The following AFF2 variants were observed in gnomAD, a reference collection of about 807,000 sequenced individuals.
AFF2 encodes the protein AF4/FMR2 family member 2.
AFF2 carries 14 observed loss-of-function variants against 76.9 expected under a neutral mutation model. The observed-to-expected ratio is 0.18, with a 90% confidence interval of 0.12 to 0.28. The LOEUF (loss-of-function observed/expected upper bound fraction) is 0.28. Among genes scored for constraint, AFF2 ranks in the 10% least tolerant of loss-of-function variants. The probability of loss-of-function intolerance (pLI) is 1.00; values close to 1 mark genes in which losing one functional copy is unlikely to be tolerated. For missense variants in AFF2, 868 were observed against 1,001.1 expected (o/e 0.87, Z 1.79); for synonymous variants, 398 against 366.7 (o/e 1.09, Z -0.98).
chrX:148,578,095 T>C lies in AFF2; in HGVS notation c.48-73904T>C, dbSNP rs782448210. Among the ~76,000 whole-genome samples the C allele has an allele frequency of 3.5e-5, 4 of 112,711 alleles. No individual in the cohort carries two copies. The South Asian group carries it at 1.1e-3, about 30-fold the overall frequency. On this transcript the variant is annotated intron_variant, in intron 1 of 20. Coordinates refer to ENST00000370460, the MANE Select transcript of AFF2 (RefSeq NM_002025.4). The stretch of plus-strand genomic sequence containing the variant: ...TCACTCTTGGCCTTTAACTTTTCTG[T>C]GAACTGACTTAGTCAGAAAATTCCA...
At position 148,966,926 on chromosome X, in the gene AFF2, C is replaced by T. The variant is rs781906715; in HGVS notation, c.3050C>T (p.Thr1017Ile). ...TATATATATTTTTTTTISTIT... is the reference protein window; with the variant it reads ...TATATATATTITTTTTISTIT... ...ACTGCCACCGCCACGGCCACCACCA[C>T]AACTACTACCACTACCATTTCCACC... Residue 1017 changes from threonine to isoleucine, a missense_variant, in exon 14 of 21, where the codon ACA becomes ATA. Transcript: ENST00000370460. 2.5e-6 allele frequency: 3 copies of T among 1,211,550 alleles called. No individual in the cohort carries two copies. The highest frequency in any genetic ancestry group is 3.4e-6 in the Non-Finnish European group (3 of 895,506).
At chrX:148,697,269 T>C (rs2054732243) in intron 3 of AFF2, among the ~76,000 whole-genome samples, 1 of 112,352 alleles carries the variant, frequency 8.9e-6, no homozygotes, top group South Asian at 3.6e-4. Flanking sequence ...ATGGATGAAG[T>C]TATAATATAA....
At chrX:148,524,067 G>A (rs2052629281) in intron 1 of AFF2, among the ~76,000 whole-genome samples, 1 of 106,461 alleles carries the variant, frequency 9.4e-6, no homozygotes, top group Non-Finnish European at 1.9e-5. Flanking sequence ...CTGATGTACA[G>A]CTTTGGTTGA....
rs2053391285 is a variant in AFF2 at position 148,581,353 on chromosome X, CACAT to C, written c.48-70644_48-70641del. 2.0e-5 allele frequency among the ~76,000 whole-genome samples: 2 copies of C among 97,823 alleles called. 1 individual carries two copies. The highest frequency in any genetic ancestry group is 4.2e-5 in the Non-Finnish European group (2 of 47,335). 84.9% of individuals were successfully genotyped at this position (97,823 alleles called of 115,157 possible). A position where few individuals can be genotyped will look rare whatever the true frequency, so the allele number is the denominator to read the frequency against. ...ATATACGTATACGTATACGTGTACA[CACAT>C]ATATACGTATACGTGTACACACATA... On this transcript the variant is annotated intron_variant, in intron 1 of 20. Transcript: ENST00000370460.
chrX:148,764,842 G>A (rs1436813060), intron 3 of AFF2, among the ~76,000 whole-genome samples: 3 of 111,663 alleles, frequency 2.7e-5, no homozygotes, highest in East Asian at 5.6e-4. Flanking sequence ...GGGAAAATGC[G>A]CATCCCATTG....
At chrX:148,720,238 C>T (rs1482853430) in intron 3 of AFF2, among the ~76,000 whole-genome samples, 1 of 110,284 alleles carries the variant, frequency 9.1e-6, no homozygotes, top group African/African-American at 3.3e-5. Flanking sequence ...TGTGGCTGGA[C>T]CACTTATAGA....
intron 9 of AFF2, among the ~76,000 whole-genome samples, chrX:148,947,162 G>A (rs1008757117): frequency 3.6e-5 from 4 of 112,062 alleles, no homozygotes; most frequent in Non-Finnish European, 7.5e-5. Context: ...TGAGATAACA[G>A]GACAAACATC....
chrX:148,895,923 T>C (rs180815331), intron 8 of AFF2, among the ~76,000 whole-genome samples: 256 of 111,136 alleles, frequency 2.3e-3, no homozygotes, highest in African/African-American at 7.9e-3. Flanking sequence ...AATCACAGCA[T>C]GAGCTCAGGT....
chrX:148,978,830 G>T (rs1557290575), intron 18 of AFF2, among the ~76,000 whole-genome samples: 1 of 111,898 alleles, frequency 8.9e-6, no homozygotes, highest in African/African-American at 3.3e-5. Flanking sequence ...AGAAGTGAGA[G>T]AAGTCACTGT....
intron 1 of AFF2, among the ~76,000 whole-genome samples, chrX:148,509,899 A>G (rs1175575663): frequency 1.8e-5 from 2 of 111,197 alleles, no homozygotes; most frequent in Non-Finnish European, 3.8e-5. Context: ...TCTCAACTCT[A>G]TCTCTGGGAA....
chrX:148,577,323 A>G (rs1313209613), intron 1 of AFF2, among the ~76,000 whole-genome samples: 1 of 112,541 alleles, frequency 8.9e-6, no homozygotes, highest in Admixed American at 9.4e-5. Context: ...GCACAAGTCA[A>G]CCAGGCAATA....
Position 148,662,441 on chromosome X carries a change from A to C in AFF2, c.714A>C (p.Ser238=), listed in dbSNP as rs1557257916. ...TCAAAGAAATCTTTCAATCCAATTC[A>C]CCGGAAGAATCTGAATTCGCCGTGC... The part of the protein sequence containing the change: ...DAFKEIFQSN[S]PEESEFAVQA... Residue 238 remains serine (S), a synonymous_variant, in exon 3 of 21, where the codon TCA becomes TCC. Coordinates refer to ENST00000370460, the MANE Select transcript of AFF2 (RefSeq NM_002025.4). The C allele has an allele frequency of 8.3e-7, 1 of 1,211,855 alleles. No individual in the cohort carries two copies. Among genetic ancestry groups the C allele is most frequent in the Admixed American group, 2.2e-5 (1 of 46,055 alleles).
chrX:148,771,530 C>T (rs781983588), intron 3 of AFF2, among the ~76,000 whole-genome samples: 2 of 112,189 alleles, frequency 1.8e-5, no homozygotes, highest in South Asian at 3.7e-4. Context: ...ATGAGCATTC[C>T]TCCAACACAC....
At chrX:148,524,783 G>T (rs1443602886) in intron 1 of AFF2, among the ~76,000 whole-genome samples, 1 of 112,021 alleles carries the variant, frequency 8.9e-6, no homozygotes, top group African/African-American at 3.2e-5. Flanking sequence ...GGCAGTAGGC[G>T]GCATGTGTGT....
chrX:148,823,579 C>G (rs1399593930), intron 4 of AFF2, among the ~76,000 whole-genome samples: 1 of 111,789 alleles, frequency 8.9e-6, no homozygotes, highest in Non-Finnish European at 1.9e-5. Flanking sequence ...CCCCAGATAT[C>G]TCTTCAGATT....
chrX:148,656,144 T>G (rs1665495405), intron 2 of AFF2, among the ~76,000 whole-genome samples: 1 of 112,158 alleles, frequency 8.9e-6, no homozygotes, highest in Admixed American at 9.4e-5. Flanking sequence ...CCTCTACCAC[T>G]GCCAGAATGG....
intron 1 of AFF2, among the ~76,000 whole-genome samples, chrX:148,638,144 A>G (rs782721301): frequency 4.1e-4 from 46 of 112,010 alleles, no homozygotes; most frequent in Non-Finnish European, 6.8e-4. Flanking sequence ...AACCCATTGT[A>G]TTAGTCTATT....
At chrX:148,893,360 T>C (rs1324568628) in intron 8 of AFF2, among the ~76,000 whole-genome samples, 1 of 112,075 alleles carries the variant, frequency 8.9e-6, no homozygotes, top group Non-Finnish European at 1.9e-5. Context: ...TAGAAACCTG[T>C]GTGCTGAATT....
At chrX:148,868,742 G>T (rs1603322586) in intron 7 of AFF2, among the ~76,000 whole-genome samples, 1 of 112,631 alleles carries the variant, frequency 8.9e-6, no homozygotes, top group African/African-American at 3.2e-5. Flanking sequence ...AGCAGGTTCA[G>T]TTGTCTGGTG....
Sources: gnomAD v4.1 joint callset for allele counts (sites outside exome capture counted in the v4.1 genomes callset) on GRCh38, gnomAD v4.1.1 for gene constraint, MANE v1.5 for transcripts, NCBI Gene and HGNC (gene_info 2026-07-23, HGNC 2026-07-21) for gene names.